Variants in GRM7 observed in about 807,000 individuals in gnomAD.
GRM7 encodes the protein glutamate metabotropic receptor 7, also known as metabotropic glutamate receptor 7.
GRM7 carries 35 observed loss-of-function variants against 84.5 expected under a neutral mutation model. That is an observed-to-expected ratio of 0.41 (90% CI 0.32 to 0.55). The LOEUF (loss-of-function observed/expected upper bound fraction) is 0.55. GRM7 is among the 20% of genes least tolerant of loss of function. The pLI is 0.19. For missense variants in GRM7, 1,003 were observed against 1,194.6 expected, an observed-to-expected ratio of 0.84 and a Z score of 2.36; for synonymous variants, 487 against 455.1, an observed-to-expected ratio of 1.07 and a Z score of -0.89.
At chr3:7,458,868 T>G (rs1437634958) in intron 6 of GRM7, among the ~76,000 whole-genome samples, 2 of 152,224 alleles carry the variant, frequency 1.3e-5, no homozygotes, top group East Asian at 1.9e-4. Flanking sequence ...AATAATAATG[T>G]CTTCATGCAA....
intron 2 of GRM7, among the ~76,000 whole-genome samples, chr3:7,243,206 A>G (rs1697626250): frequency 6.6e-6 from 1 of 152,152 alleles, no homozygotes; most frequent in Non-Finnish European, 1.5e-5. Flanking sequence ...TCCATAATAT[A>G]CCATTTGCAA....
chr3:6,976,713 G>A (rs1331529957), intron 1 of GRM7, among the ~76,000 whole-genome samples: 1 of 151,842 alleles, frequency 6.6e-6, no homozygotes, highest in Non-Finnish European at 1.5e-5. Flanking sequence ...TTGATTATTT[G>A]ACCAGAATTT....
chr3:7,406,509 TCATAAAAATTATTAAACATA>T (rs1257208015), intron 4 of GRM7, among the ~76,000 whole-genome samples: 1 of 151,150 alleles, frequency 6.6e-6, no homozygotes, highest in African/African-American at 2.5e-5. Flanking sequence ...CAAAAAAAAA[TCATAAAAATTATTAAACATA>T]CATAAAAATA....
chr3:7,130,314 T>C (rs1210152382), intron 1 of GRM7, among the ~76,000 whole-genome samples: 1 of 151,978 alleles, frequency 6.6e-6, no homozygotes, highest in Non-Finnish European at 1.5e-5. Flanking sequence ...GAGACCGAGG[T>C]GGGCGAATCA....
chr3:7,260,915 G>A (rs1161351526), intron 2 of GRM7, among the ~76,000 whole-genome samples: 1 of 152,116 alleles, frequency 6.6e-6, no homozygotes, highest in East Asian at 1.9e-4. Context: ...CTGGTATGTT[G>A]TATCTTTGTT....
Position 7,040,382 on chromosome 3 carries a change from A to G in GRM7, c.520-106070A>G, listed in dbSNP as rs541434428. On this transcript the variant is annotated intron_variant, in intron 1 of 9. Transcript: ENST00000357716. ...CAGTGGCACGATCTCCACTCACTGT[A>G]ACCCCTGCCTCCTGGGTTAAAGCGA... Among the ~76,000 whole-genome samples, 4 of 151,822 alleles carry G rather than the reference A, an allele frequency of 2.6e-5. No homozygotes were observed. In the East Asian group the frequency reaches 7.8e-4, roughly 30 times the overall value.
At chr3:6,916,322 C>T (rs145486699) in intron 1 of GRM7, among the ~76,000 whole-genome samples, 4 of 152,160 alleles carry the variant, frequency 2.6e-5, no homozygotes, top group Admixed American at 6.5e-5. Context: ...TATGTGATGC[C>T]ATAAAAGCAA....
At chr3:7,420,705 G>C (rs1315247745) in intron 5 of GRM7, among the ~76,000 whole-genome samples, 2 of 152,044 alleles carry the variant, frequency 1.3e-5, no homozygotes, top group African/African-American at 4.8e-5. Flanking sequence ...CTAATTGTGG[G>C]AACTGGAAAT....
chr3:7,470,330 A>G (rs1472503659), intron 7 of GRM7, among the ~76,000 whole-genome samples: 2 of 152,244 alleles, frequency 1.3e-5, no homozygotes, highest in Admixed American at 6.5e-5. Flanking sequence ...ATGTAATAAT[A>G]CTTTCTTAAA....
chr3:7,500,836 GA>G (rs900297682), intron 7 of GRM7, among the ~76,000 whole-genome samples: 1 of 152,150 alleles, frequency 6.6e-6, no homozygotes, highest in Non-Finnish European at 1.5e-5. Flanking sequence ...GTGCACTGGG[GA>G]TACAAGGAGG....
intron 1 of GRM7, among the ~76,000 whole-genome samples, chr3:6,894,458 A>G (rs1696095674): frequency 6.6e-6 from 1 of 152,142 alleles, no homozygotes; most frequent in East Asian, 1.9e-4. Flanking sequence ...TATGTCATCT[A>G]TTGTTTCTAT....
chr3:7,363,520 A>G (rs1423664056), intron 4 of GRM7, among the ~76,000 whole-genome samples: 3 of 152,144 alleles, frequency 2.0e-5, no homozygotes, highest in Admixed American at 6.6e-5. Flanking sequence ...TACTCGTTTC[A>G]ATTATTGCTT....
Position 7,464,736 on chromosome 3 carries a change from G to A in GRM7, c.1515+3014G>A, listed in dbSNP as rs185602512. ...CCAGCTACTCGGGAGGCTGAGGCAG[G>A]AGAATGGCATGAACCCAGGAGGTGG... On this transcript the variant is annotated intron_variant, in intron 7 of 9. Transcript: ENST00000357716. Among the ~76,000 whole-genome samples the A allele has an allele frequency of 6.3e-3, 959 of 151,638 alleles. 8 individuals are homozygous for A. Among genetic ancestry groups the A allele is most frequent in the Non-Finnish European group, 8.9e-3 (607 of 67,944 alleles).
chr3:6,908,665 A>G (rs1382507838), intron 1 of GRM7, among the ~76,000 whole-genome samples: 1 of 152,204 alleles, frequency 6.6e-6, no homozygotes, highest in Admixed American at 6.6e-5. Flanking sequence ...TTATGAGGAC[A>G]CTAAGACTAT....
chr3:7,461,444 G>A (rs7642380), intron 6 of GRM7, 139 bp from the exon 7 acceptor site: 18 of 610,792 alleles, frequency 2.9e-5, no homozygotes, highest in Admixed American at 9.1e-5. Context: ...TGCAGGGGCC[G>A]TTTTGGGGGG....
At chr3:7,360,302 G>T (rs1045995057) in intron 4 of GRM7, among the ~76,000 whole-genome samples, 1 of 147,586 alleles carries the variant, frequency 6.8e-6, no homozygotes, top group Non-Finnish European at 1.5e-5. Context: ...TGAAATCTAT[G>T]ATTTAAAAAG....
At chr3:7,257,556 G>A (rs1698254033) in intron 2 of GRM7, among the ~76,000 whole-genome samples, 1 of 152,080 alleles carries the variant, frequency 6.6e-6, no homozygotes, top group African/African-American at 2.4e-5. Flanking sequence ...TACTGTAAGG[G>A]CAAAACCATG....
intron 2 of GRM7, among the ~76,000 whole-genome samples, chr3:7,238,930 C>CT (rs1324062215): frequency 7.0e-6 from 1 of 141,952 alleles, no homozygotes; most frequent in Non-Finnish European, 1.5e-5. Context: ...TTTTCCTTTA[C>CT]TTTTTGTTTT....
Position 7,656,543 on chromosome 3 carries a change from GCGCGCACACACACA to G in GRM7, c.2452-23504_2452-23491del, listed in dbSNP as rs1288435483. ...AAAAAATATATATATATATATACGC[GCGCGCACACACACA>G]CACACACACACACACACACAAAGTG... On this transcript the variant is annotated intron_variant, in intron 8 of 9. Transcript: ENST00000357716. 1.3e-3 allele frequency among the ~76,000 whole-genome samples: 158 copies of G among 119,970 alleles called. 6 individuals carry two copies. In the South Asian group the frequency reaches 0.04, roughly 30 times the overall value. 78.7% of individuals were successfully genotyped at this position (119,970 alleles called of 152,430 possible).
Sources: allele counts gnomAD v4.1 joint callset (sites outside exome capture counted in the v4.1 genomes callset), GRCh38; gene constraint gnomAD v4.1.1; transcripts MANE v1.5; gene names NCBI Gene and HGNC (gene_info 2026-07-23, HGNC 2026-07-21).